SAMD5: variants seen among roughly 807,000 people sequenced by gnomAD.
SAMD5 encodes the protein sterile alpha motif domain containing 5, also known as sterile alpha motif domain-containing protein 5.
In SAMD5, 13 loss-of-function variants were observed where a neutral mutation model predicts 11.3. The ratio of observed to expected loss-of-function variants is 1.15; its 90% CI spans 0.75 to 1.83. The LOEUF (loss-of-function observed/expected upper bound fraction) is 1.83. Ranked by LOEUF, SAMD5 falls within the 40% of genes most tolerant of loss-of-function variation. SAMD5 has a pLI of 0.00. For synonymous variants in SAMD5, 129 were observed against 111.3 expected (o/e 1.16, Z -1.00); for missense variants, 255 against 239.1 (o/e 1.07, Z -0.44).
the SAMD5 span, among the ~76,000 whole-genome samples, chr6:147,891,851 C>T: frequency 9.2e-5 from 14 of 151,962 alleles, no homozygotes; most frequent in African/African-American, 2.7e-4. Context: ...TGTGGCCAGA[C>T]GTGCCTGGAA....
At chr6:147,646,304 C>T (rs1055767156) in intron 1 of SAMD5, among the ~76,000 whole-genome samples, 41 of 151,984 alleles carry the variant, frequency 2.7e-4, no homozygotes, top group African/African-American at 7.3e-4. Context: ...CCAGCCTGGG[C>T]GACAGAGTGA....
chr6:147,721,983 C>G (rs1017324767), intron 1 of SAMD5, among the ~76,000 whole-genome samples: 1 of 152,088 alleles, frequency 6.6e-6, no homozygotes, highest in African/African-American at 2.4e-5. Flanking sequence ...TCATATAGTT[C>G]TCTTCATTCA....
At chr6:147,721,259 C>G (rs1583153145) in intron 1 of SAMD5, among the ~76,000 whole-genome samples, 1 of 149,758 alleles carries the variant, frequency 6.7e-6, no homozygotes, top group East Asian at 2.0e-4. Flanking sequence ...TTCTAGATCC[C>G]TGAGGAATCG....
chr6:147,896,313 G>A, the SAMD5 span, among the ~76,000 whole-genome samples: 12 of 149,158 alleles, frequency 8.0e-5, no homozygotes, highest in Admixed American at 4.7e-4. Context: ...CTGCAGAGAC[G>A]TTCAGAATAA....
the SAMD5 span, among the ~76,000 whole-genome samples, chr6:147,825,205 G>A: frequency 6.6e-6 from 1 of 152,142 alleles, no homozygotes; most frequent in Non-Finnish European, 1.5e-5. Flanking sequence ...GCTGAGGTAG[G>A]AGAATTGCTT....
At chr6:147,606,297 G>A (rs1789698661) in intron 1 of SAMD5, among the ~76,000 whole-genome samples, 1 of 152,096 alleles carries the variant, frequency 6.6e-6, no homozygotes, top group African/African-American at 2.4e-5. Flanking sequence ...ACTGTAAAGT[G>A]ATCTTTTGTT....
chr6:147,638,300 A>G (rs1562339871), intron 1 of SAMD5, among the ~76,000 whole-genome samples: 2 of 152,198 alleles, frequency 1.3e-5, no homozygotes, highest in Non-Finnish European at 2.9e-5. Flanking sequence ...GCATTAGTCC[A>G]TTTATCTAAA....
At position 147,602,223 on chromosome 6, in the gene SAMD5, A is replaced by G. The variant is rs186831896; in HGVS notation, c.162+92836A>G. 3.4e-4 allele frequency among the ~76,000 whole-genome samples: 52 copies of G among 152,362 alleles called. No individual in the cohort carries two copies. The East Asian group carries it at 8.3e-3, about 24-fold the overall frequency. On this transcript the variant is annotated intron_variant, in intron 1 of 1. Transcript: ENST00000566741. ...TTTGGGTTGGACAGGCTAAAGAATG[A>G]AAGTGTGTCATTTTTGACATAACAT... is the stretch of plus-strand genomic sequence containing the variant.
the SAMD5 span, among the ~76,000 whole-genome samples, chr6:147,848,290 C>T: frequency 6.6e-6 from 1 of 152,076 alleles, no homozygotes; most frequent in Non-Finnish European, 1.5e-5. Context: ...AAAGTTATTC[C>T]CGTTGCTTAA....
intron 1 of SAMD5, among the ~76,000 whole-genome samples, chr6:147,695,357 C>G (rs553310662): frequency 6.6e-6 from 1 of 151,990 alleles, no homozygotes; most frequent in African/African-American, 2.4e-5. Flanking sequence ...CAAAAGCCTT[C>G]GTTACGCTTA....
At chr6:147,904,992 A>G in the SAMD5 span, among the ~76,000 whole-genome samples, 1 of 151,178 alleles carries the variant, frequency 6.6e-6, no homozygotes, top group African/African-American at 2.4e-5. Flanking sequence ...GGATTCAAGC[A>G]ATTCTCCTGC....
intron 1 of SAMD5, among the ~76,000 whole-genome samples, chr6:147,587,941 T>C (rs527305039): frequency 6.6e-6 from 1 of 152,344 alleles, no homozygotes; most frequent in South Asian, 2.1e-4. Flanking sequence ...ACTTGGAAAC[T>C]TTCAGTGTTT....
At position 147,711,901 on chromosome 6, in the gene SAMD5, C is replaced by T. The variant is rs996959567; in HGVS notation, c.163-25416C>T. ...CCCTATTTACATAAACACCAGGGGC[C>T]CACTCAGAGGTCTGCACCAACCATC... On this transcript the variant is annotated intron_variant, in intron 1 of 1. Coordinates refer to the SAMD5 transcript ENST00000566741. The surrounding 1 kb of genome is among the most constrained non-coding windows in gnomAD (Gnocchi z 4.1). 1.3e-5 allele frequency among the ~76,000 whole-genome samples: 2 copies of T among 152,026 alleles called. No individual in the cohort carries two copies. Among genetic ancestry groups the T allele is most frequent in the Non-Finnish European group, 2.9e-5 (2 of 68,008 alleles).
In SAMD5 at chr6:147,567,433, C is replaced by T; in HGVS notation, c.*2977C>T. 5 of 984,532 alleles carry T rather than the reference C, an allele frequency of 5.1e-6. No individual in the cohort carries two copies. Among genetic ancestry groups the T allele is most frequent in the Non-Finnish European group, 6.0e-6 (5 of 829,148 alleles). The allele number at this position is 984,532 out of a possible 1,614,324, so 61.0% of individuals were successfully genotyped here. A position where few individuals can be genotyped will look rare whatever the true frequency, so the allele number is the denominator to read the frequency against. On this transcript the variant is annotated 3_prime_UTR_variant, in exon 2 of 2. Transcript: ENST00000367474. The stretch of plus-strand genomic sequence containing the variant: ...CTAAAATTATTCTAGTAGTATTTTC[C>T]TGCGGTGAATCTGTTAAGGATGTAA...
At chr6:147,753,701 C>A in the SAMD5 span, among the ~76,000 whole-genome samples, 6 of 152,006 alleles carry the variant, frequency 3.9e-5, no homozygotes, top group South Asian at 2.1e-4. Context: ...ACCTTCCCCC[C>A]AGCCCCTCAC....
intron 1 of SAMD5, among the ~76,000 whole-genome samples, chr6:147,626,007 A>T (rs1294375981): frequency 6.6e-6 from 1 of 152,128 alleles, no homozygotes; most frequent in African/African-American, 2.4e-5. Flanking sequence ...GTTCTGACCT[A>T]TGACACCTAA....
chr6:147,513,993 G>A (rs755271852), intron 1 of SAMD5, among the ~76,000 whole-genome samples: 1 of 152,184 alleles, frequency 6.6e-6, no homozygotes, highest in Non-Finnish European at 1.5e-5. Context: ...ACAGAACTAA[G>A]GTTACAGCCG....
At chr6:147,640,520 A>AAAAAAAAAAAAAAAAAAAAAAAAAAT (rs1198347457) in intron 1 of SAMD5, among the ~76,000 whole-genome samples, 2 of 149,838 alleles carry the variant, frequency 1.3e-5, no homozygotes, top group Non-Finnish European at 1.5e-5. Context: ...AAAAAAAAAA[A>AAAAAAAAAAAAAAAAAAAAAAAAAAT]AAGAATAACA....
chr6:147,680,340 A>G (rs1790923884), intron 1 of SAMD5, among the ~76,000 whole-genome samples: 1 of 152,128 alleles, frequency 6.6e-6, no homozygotes, highest in African/African-American at 2.4e-5. Context: ...TTGATAGCAT[A>G]TGGAAATACA....
Sources: allele counts gnomAD v4.1 joint callset (sites outside exome capture counted in the v4.1 genomes callset), GRCh38; gene constraint gnomAD v4.1.1; non-coding constraint Gnocchi (gnomAD v3.1); transcripts MANE v1.5; gene names NCBI Gene and HGNC (gene_info 2026-07-23, HGNC 2026-07-21).